The following GRIN2A variants were observed in gnomAD, a reference collection of about 807,000 sequenced individuals.
GRIN2A encodes glutamate receptor ionotropic, NMDA 2A.
Under a neutral mutation model 113.4 loss-of-function variants are expected in GRIN2A, and 22 were observed. The ratio of observed to expected loss-of-function variants is 0.19; its 90% CI spans 0.14 to 0.28. The LOEUF (loss-of-function observed/expected upper bound fraction) is 0.28, where lower values mean the gene tolerates loss of function less well. Ranked by LOEUF, GRIN2A falls within the 10% of genes least tolerant of loss-of-function variation. The pLI is 1.00. For synonymous variants in GRIN2A, 827 were observed against 738.4 expected (o/e 1.12, Z -1.94); for missense variants, 1,502 against 1,887.0 (o/e 0.80, Z 3.78).
rs1596587649 is a variant in GRIN2A at position 10,180,437 on chromosome 16, G to A, written c.-18-8C>T. The A allele has an allele frequency of 6.3e-7, 1 of 1,599,060 alleles. No individual in the cohort carries two copies. The highest frequency in any genetic ancestry group is 8.5e-7 in the Non-Finnish European group (1 of 1,177,836). On this transcript the variant is annotated splice_polypyrimidine_tract_variant and splice_region_variant and intron_variant, in intron 1 of 12. Transcript: ENST00000330684. The surrounding 1 kb of genome is among the most constrained non-coding windows in gnomAD (Gnocchi z 7.0). ...AGTCGCCACTGACGGTCCCTGCAAGGTGAAGAGTGAGAGGCAGGGCCGCGG... is the reference window on the plus strand; with the variant it reads ...AGTCGCCACTGACGGTCCCTGCAAGATGAAGAGTGAGAGGCAGGGCCGCGG...
intron 3 of GRIN2A, among the ~76,000 whole-genome samples, chr16:9,930,669 G>C (rs1199624654): frequency 1.3e-5 from 2 of 152,100 alleles, no homozygotes; most frequent in Admixed American, 1.3e-4. Flanking sequence ...ATTCACCTAG[G>C]GAAGTTTTAA....
At chr16:10,024,382 C>A (rs1377188903) in intron 2 of GRIN2A, among the ~76,000 whole-genome samples, 1 of 152,118 alleles carries the variant, frequency 6.6e-6, no homozygotes, top group African/African-American at 2.4e-5. Context: ...GCCACCACAC[C>A]CAGCTAATTT....
chr16:9,983,515 C>T (rs1422553590), intron 2 of GRIN2A, among the ~76,000 whole-genome samples: 2 of 151,022 alleles, frequency 1.3e-5, no homozygotes, highest in Non-Finnish European at 2.9e-5. Flanking sequence ...TCTCAGCTCA[C>T]TGCAAGCTTC....
intron 11 of GRIN2A, among the ~76,000 whole-genome samples, chr16:9,793,243 T>C (rs1270749584): frequency 1.3e-5 from 2 of 152,110 alleles, no homozygotes; most frequent in African/African-American, 4.8e-5. Flanking sequence ...CTAAAACAAT[T>C]TTTTCCTTCC....
At chr16:10,103,139 T>C (rs1213556328) in intron 2 of GRIN2A, among the ~76,000 whole-genome samples, 2 of 151,688 alleles carry the variant, frequency 1.3e-5, no homozygotes, top group Non-Finnish European at 2.9e-5. Flanking sequence ...GAATAGATAC[T>C]ATCAGCAGCA....
chr16:9,975,117 GC>G (rs1369146417), intron 2 of GRIN2A, among the ~76,000 whole-genome samples: 2 of 152,102 alleles, frequency 1.3e-5, no homozygotes, highest in South Asian at 4.1e-4. Context: ...AGATAATTCT[GC>G]ATCTATTGAG....
At chr16:9,914,117 G>T (rs1472407179) in intron 3 of GRIN2A, among the ~76,000 whole-genome samples, 3 of 151,370 alleles carry the variant, frequency 2.0e-5, no homozygotes, top group Non-Finnish European at 4.4e-5. Context: ...AAAAGATGCA[G>T]TTCCAGTATT....
At chr16:9,948,639 T>A (rs76418333) in intron 2 of GRIN2A, among the ~76,000 whole-genome samples, 2,809 of 152,266 alleles carry the variant, frequency 0.018, 35 homozygotes, top group Non-Finnish European at 0.023. Flanking sequence ...TGCCTGTCAG[T>A]CCCCATCGTC....
intron 4 of GRIN2A, among the ~76,000 whole-genome samples, chr16:9,850,904 C>T (rs895781824): frequency 2.6e-5 from 4 of 152,134 alleles, no homozygotes; most frequent in Non-Finnish European, 2.9e-5. Flanking sequence ...GAGGAAGCTG[C>T]CCCCGCACCG....
intron 2 of GRIN2A, among the ~76,000 whole-genome samples, chr16:9,957,125 C>A (rs1596361264): frequency 6.6e-6 from 1 of 152,172 alleles, no homozygotes; most frequent in African/African-American, 2.4e-5. Flanking sequence ...TCTCTGTGAT[C>A]ACAAAATGCT....
intron 10 of GRIN2A, among the ~76,000 whole-genome samples, chr16:9,803,424 A>G (rs192332309): frequency 1.3e-5 from 2 of 152,206 alleles, no homozygotes; most frequent in Admixed American, 1.3e-4. Context: ...TCAAAAAAAA[A>G]AACAAGAAAG....
rs202096683 is a variant in GRIN2A at position 9,937,068 on chromosome 16, G to GAAAAT, written c.1007+890_1007+891insATTTT. 4.8e-3 allele frequency among the ~76,000 whole-genome samples: 720 copies of GAAAAT among 150,650 alleles called. 5 individuals are homozygous for GAAAAT. The highest frequency in any genetic ancestry group is 0.017 in the African/African-American group (671 of 40,058). ...ATCACAGCTGTTTAGCTTCTAATAG[G>GAAAAT]AAGCTTCAAAATCCCTAAATTAAAT... On this transcript the variant is annotated intron_variant, in intron 3 of 12. Transcript: ENST00000330684.
chr16:9,841,132 A>G (rs1440562585), intron 5 of GRIN2A, 28 bp from the exon 6 acceptor site: 1 of 1,584,518 alleles, frequency 6.3e-7, no homozygotes, highest in South Asian at 1.1e-5. Flanking sequence ...AAGACCACAG[A>G]ATGTTAGCAC....
At chr16:9,850,778 C>T (rs1458625423) in intron 4 of GRIN2A, among the ~76,000 whole-genome samples, 2 of 152,118 alleles carry the variant, frequency 1.3e-5, no homozygotes, top group Non-Finnish European at 2.9e-5. Context: ...AAAATAGAAT[C>T]GATTGTATTC....
rs375160358 is a variant in GRIN2A at position 9,764,000 on chromosome 16, C to G, written c.3544G>C (p.Asp1182His). The change falls in exon 13 of 13, where the codon GAC becomes CAC. Residue 1182 changes from aspartate to histidine, a missense_variant. This residue lies in a region of GRIN2A where 832 missense variants were observed against 789.7 expected (regional missense o/e 1.05). Transcript: ENST00000330684. ...TGCTTGGAGTAGAGTTTATACTGGT[C>G]GTTGTTGGAAAGCCCCTCTTCATTA... is the stretch of plus-strand genomic sequence containing the variant. ...LHNEEGLSNN[D>H]QYKLYSKHFT... The G allele has an allele frequency of 1.2e-6, 2 of 1,614,090 alleles. No individual in the cohort carries two copies. The highest frequency in any genetic ancestry group is 1.7e-6 in the Non-Finnish European group (2 of 1,180,002).
chr16:9,816,764 T>TA (rs1471034557), intron 10 of GRIN2A, among the ~76,000 whole-genome samples: 1 of 152,216 alleles, frequency 6.6e-6, no homozygotes, highest in Non-Finnish European at 1.5e-5. Context: ...AAGAGCTTGT[T>TA]AAACCATGCA....
intron 2 of GRIN2A, among the ~76,000 whole-genome samples, chr16:10,032,510 ACAGCCAGACATTTACCATG>A (rs1373342759): frequency 6.6e-6 from 1 of 152,174 alleles, no homozygotes; most frequent in Non-Finnish European, 1.5e-5. Flanking sequence ...TCTCATCAAA[ACAGCCAGACATTTACCATG>A]TGTTCCAAGT....
At chr16:9,962,999 C>T (rs897805043) in intron 2 of GRIN2A, among the ~76,000 whole-genome samples, 27 of 151,476 alleles carry the variant, frequency 1.8e-4, no homozygotes, top group African/African-American at 4.1e-4. Flanking sequence ...GAAACCATCA[C>T]TCTCAGCAAA....
chr16:9,988,118 G>A (rs7186839), intron 2 of GRIN2A, among the ~76,000 whole-genome samples: 87,206 of 151,304 alleles, frequency 0.58, 25,528 homozygotes, highest in African/African-American at 0.65. Flanking sequence ...CCACTTAGAC[G>A]CAATAGAAGA....
Sources: gnomAD v4.1 joint callset for allele counts (sites outside exome capture counted in the v4.1 genomes callset) on GRCh38, gnomAD v4.1.1 for gene constraint, gnomAD v4.1.1 regional missense constraint, Gnocchi (gnomAD v3.1) non-coding constraint, MANE v1.5 for transcripts, NCBI Gene and HGNC (gene_info 2026-07-23, HGNC 2026-07-21) for gene names.